RCBTB1: variants seen among roughly 807,000 people sequenced by gnomAD.
RCBTB1 encodes RCC1 and BTB domain-containing protein 1.
Under a neutral mutation model 62.4 loss-of-function variants are expected in RCBTB1, and 46 were observed. The observed-to-expected ratio is 0.74, with a 90% CI of 0.58 to 0.94. The LOEUF is 0.94. Among genes scored for constraint, RCBTB1 ranks in the 40% least tolerant of loss-of-function variants. The pLI is 0.00. For missense variants in RCBTB1, 565 were observed against 654.9 expected (o/e 0.86, Z 1.50); for synonymous variants, 222 against 245.8 (o/e 0.90, Z 0.91).
rs942745144 is a variant in RCBTB1, at chr13:49,578,871, T to C, written c.-42+1634A>G. Among the ~76,000 whole-genome samples, 4 of 152,208 alleles carry C rather than the reference T, an allele frequency of 2.6e-5. No homozygotes were observed. In the East Asian group the frequency reaches 5.8e-4, roughly 22 times the overall value. Reference sequence around the variant, plus strand: ...TTTGAGCACAAAAGATTGAAGGGTATGACAATCTTTATTTCTGAATCCATT... The same window carrying C: ...TTTGAGCACAAAAGATTGAAGGGTACGACAATCTTTATTTCTGAATCCATT... On this transcript the variant is annotated intron_variant, in intron 2 of 12. Transcript: ENST00000378302.
rs1962301456 is a variant in RCBTB1 at position 49,559,997 on chromosome 13, C to T, written c.365G>A (p.Cys122Tyr). 2.5e-6 allele frequency: 4 copies of T among 1,614,070 alleles called. No homozygotes were observed. The highest frequency in any genetic ancestry group is 1.7e-5 in the Admixed American group (1 of 59,998). ...CACTTGCTTGATCAAGAGATTGGTA[C>T]AGACCTGGACGGGAGCAATGCCTTG... ...TNQGIAPVQV[C>Y]TNLLIKQVVE... Residue 122 changes from cysteine (C) to tyrosine (Y), a missense_variant, in exon 5 of 13, where the codon TGT becomes TAT. Physicochemically the swap from Cys to Tyr is radical, Grantham distance 194. Coordinates refer to ENST00000378302, the MANE Select transcript of RCBTB1 (RefSeq NM_018191.4).
At chr13:49,562,781 T>C (rs1351554284) in intron 4 of RCBTB1, among the ~76,000 whole-genome samples, 5,006 of 28,968 alleles carry the variant, frequency 0.17, 756 homozygotes, top group African/African-American at 0.33. Flanking sequence ...CCCGGCTTTT[T>C]TTTTTTTTTT....
At chr13:49,546,149 A>G in intron 9 of RCBTB1, 1 of 985,396 alleles carries the variant, frequency 1.0e-6, no homozygotes, top group Non-Finnish European at 1.2e-6. Context: ...CCATCCAAAA[A>G]AAAACCCACT....
At chr13:49,550,278 C>A in intron 8 of RCBTB1, 1 of 205,870 alleles carries the variant, frequency 4.9e-6, no homozygotes, top group Non-Finnish European at 8.6e-6. Flanking sequence ...CGTGCCTGGC[C>A]CATTTCTTTA....
chr13:49,564,456 C>T (rs138992042), intron 4 of RCBTB1, among the ~76,000 whole-genome samples: 2,526 of 150,492 alleles, frequency 0.017, 64 homozygotes, highest in African/African-American at 0.058. Context: ...CGTGGTGGCA[C>T]GCGTCTGTGG....
rs556103432 is a variant in RCBTB1, at chr13:49,539,110, C to T, written c.1455+1766G>A. 5.2e-4 allele frequency among the ~76,000 whole-genome samples: 79 copies of T among 152,150 alleles called. No homozygotes were observed. In the South Asian group the frequency reaches 5.4e-3, roughly 10 times the overall value. ...GTCTCAAACTCCTGATCTCAAGTGG[C>T]CCACCTTGGCCTCCCAAAGTGCCGG... On this transcript the variant is annotated intron_variant, in intron 12 of 12. Transcript: ENST00000378302.
intron 12 of RCBTB1, chr13:49,539,494 T>G (rs1960190733): frequency 6.6e-6 from 1 of 152,174 alleles, no homozygotes; most frequent in African/African-American, 2.4e-5. Context: ...TCTGCCCAGG[T>G]TGTTCTCACT....
chr13:49,566,141 T>A (rs1483825072), intron 4 of RCBTB1, among the ~76,000 whole-genome samples: 16 of 150,246 alleles, frequency 1.1e-4, no homozygotes, highest in East Asian at 3.9e-4. Context: ...CGCAGGGTCC[T>A]CTGCCTAGGA....
chr13:49,545,221 T>C (rs1245542367), intron 9 of RCBTB1, among the ~76,000 whole-genome samples: 1 of 152,188 alleles, frequency 6.6e-6, no homozygotes, highest in Non-Finnish European at 1.5e-5. Context: ...TTTGTTTCCC[T>C]TGACTGAAAC....
intron 2 of RCBTB1, among the ~76,000 whole-genome samples, chr13:49,575,267 G>A (rs1372747711): frequency 6.6e-6 from 1 of 152,158 alleles, no homozygotes; most frequent in African/African-American, 2.4e-5. Context: ...ATATTGGCGA[G>A]GCTGTACAGC....
chr13:49,533,929 G>C lies in RCBTB1; in HGVS notation c.*193C>G, dbSNP rs996152953. 2 of 485,462 alleles carry C rather than the reference G, an allele frequency of 4.1e-6. No individual in the cohort carries two copies. The highest frequency in any genetic ancestry group is 5.1e-5 in the South Asian group (1 of 19,652). The allele number at this position is 485,462 out of a possible 1,614,324, so 30.1% of individuals were successfully genotyped here. The stretch of plus-strand genomic sequence containing the variant: ...TAAAATACACTTATCTGGAAACAAG[G>C]GTTGTTTAAAATGGGCTCAAGAAAA... On this transcript the variant is annotated 3_prime_UTR_variant, in exon 13 of 13. Transcript: ENST00000378302.
chr13:49,534,886 T>C (rs1258419673), intron 12 of RCBTB1, among the ~76,000 whole-genome samples: 1 of 151,846 alleles, frequency 6.6e-6, no homozygotes, highest in African/African-American at 2.4e-5. Flanking sequence ...CTACAAAAAT[T>C]AGCCGGGCGT....
intron 9 of RCBTB1, among the ~76,000 whole-genome samples, chr13:49,546,619 C>A (rs576152274): frequency 1.2e-4 from 18 of 152,340 alleles, no homozygotes; most frequent in African/African-American, 4.3e-4. Flanking sequence ...ACGGCCCCAT[C>A]TGGGGGTGAT....
In RCBTB1 at chr13:49,534,187, T is replaced by C. The variant is rs1959754268; in HGVS notation, c.1531A>G (p.Met511Val). The C allele has an allele frequency of 1.2e-6, 2 of 1,614,226 alleles. No individual in the cohort carries two copies. Among genetic ancestry groups the C allele is most frequent in the East Asian group, 2.2e-5 (1 of 44,882 alleles). ...AATTCCTTTAGCAGAGGGCCATCCATTTGCCAAAATGCTGCAGTCTGTGTA... is the reference window on the plus strand; with the variant it reads ...AATTCCTTTAGCAGAGGGCCATCCACTTGCCAAAATGCTGCAGTCTGTGTA... ...EVTQTAAFWQ[M>V]DGPLLKEFIA... The change falls in exon 13 of 13, where the codon ATG becomes GTG. Residue 511 changes from methionine (M) to valine (V), a missense_variant. Coordinates refer to ENST00000378302, the MANE Select transcript of RCBTB1 (RefSeq NM_018191.4).
intron 6 of RCBTB1, among the ~76,000 whole-genome samples, chr13:49,554,774 C>A (rs1042963618): frequency 3.9e-5 from 6 of 152,170 alleles, no homozygotes; most frequent in African/African-American, 1.4e-4. Flanking sequence ...CAAAACCATG[C>A]CCCCAACACC....
At chr13:49,580,983 T>C (rs929806823) in intron 1 of RCBTB1, among the ~76,000 whole-genome samples, 4 of 152,094 alleles carry the variant, frequency 2.6e-5, no homozygotes, top group African/African-American at 9.7e-5. Context: ...ATGCTTCAGC[T>C]ACCTAAAGAG....
At position 49,555,463 on chromosome 13, in the gene RCBTB1, C is replaced by T. The variant is rs2274283; in HGVS notation, c.603+52G>A. On this transcript the variant is annotated intron_variant, in intron 6 of 12. Transcript: ENST00000378302. ...TACATTCACCTTGTGAAGAAACTGA[C>T]GTGTAATTGAAAAAGAAGGTAGAAA... 0.18 allele frequency: 249,131 copies of T among 1,406,978 alleles called. 27,203 individuals are homozygous for T. Among genetic ancestry groups the T allele is most frequent in the African/African-American group, 0.44 (31,166 of 70,574 alleles). 87.2% of individuals were successfully genotyped at this position (1,406,978 alleles called of 1,614,324 possible). A position where few individuals can be genotyped will look rare whatever the true frequency, so the allele number is the denominator to read the frequency against.
intron 4 of RCBTB1, 132 bp downstream of exon 4, chr13:49,566,486 T>C: frequency 1.2e-6 from 1 of 864,064 alleles, no homozygotes; most frequent in East Asian, 2.6e-5. Context: ...ACCTGCTTTA[T>C]GTACTTCCTC....
At position 49,548,816 on chromosome 13, in the gene RCBTB1, C is replaced by A. The variant is rs1260305433; in HGVS notation, c.1045+642G>T. ...GGGGGGAGAGGAGAATGGAGTGTGACTAATTAACGTATAAGGGCTTTCTTC... is the reference window on the plus strand; with the variant it reads ...GGGGGGAGAGGAGAATGGAGTGTGAATAATTAACGTATAAGGGCTTTCTTC... On this transcript the variant is annotated intron_variant, in intron 9 of 12. Coordinates refer to ENST00000378302, the MANE Select transcript of RCBTB1 (RefSeq NM_018191.4). Among the ~76,000 whole-genome samples the A allele has an allele frequency of 1.5e-4, 23 of 150,508 alleles. 1 individual carries two copies. The highest frequency in any genetic ancestry group is 1.5e-5 in the Non-Finnish European group (1 of 67,930).
Sources: allele counts gnomAD v4.1 joint callset (sites outside exome capture counted in the v4.1 genomes callset), GRCh38; gene constraint gnomAD v4.1.1; transcripts MANE v1.5; gene names NCBI Gene and HGNC (gene_info 2026-07-23, HGNC 2026-07-21).